Variants in MDGA2 observed in about 807,000 individuals in gnomAD.
MDGA2 encodes the protein MAM domain-containing glycosylphosphatidylinositol anchor protein 2.
Under a neutral mutation model 117.8 loss-of-function variants are expected in MDGA2, and 40 were observed. That is an observed-to-expected ratio of 0.34 (90% CI 0.26 to 0.44). MDGA2 has a LOEUF of 0.44. Among genes scored for constraint, MDGA2 ranks in the 20% least tolerant of loss-of-function variants. The pLI is 1.00. For synonymous variants in MDGA2, 452 were observed against 439.0 expected, an observed-to-expected ratio of 1.03 and a Z score of -0.37; for missense variants, 1,123 against 1,250.6, an observed-to-expected ratio of 0.90 and a Z score of 1.54.
At chr14:47,287,629 T>C (rs1206100819) in intron 2 of MDGA2, among the ~76,000 whole-genome samples, 1 of 152,068 alleles carries the variant, frequency 6.6e-6, no homozygotes, top group East Asian at 1.9e-4. Context: ...CCTTTAAAGG[T>C]AGCCTTAGAA....
At chr14:47,244,166 A>G (rs1460200773) in intron 2 of MDGA2, among the ~76,000 whole-genome samples, 1 of 151,822 alleles carries the variant, frequency 6.6e-6, no homozygotes. Flanking sequence ...CCTGACATGT[A>G]GTAGTCTCTT....
At chr14:47,021,857 G>T (rs890174291) in intron 8 of MDGA2, among the ~76,000 whole-genome samples, 1 of 152,144 alleles carries the variant, frequency 6.6e-6, no homozygotes. Flanking sequence ...GCCAGACTTA[G>T]AATCGATACT....
chr14:47,548,179 GCT>G (rs1236097193), intron 1 of MDGA2, among the ~76,000 whole-genome samples: 1 of 152,104 alleles, frequency 6.6e-6, no homozygotes, highest in African/African-American at 2.4e-5. Context: ...ACTGTCTAGA[GCT>G]CTCTCATTTA....
chr14:47,249,375 G>A (rs1363901159), intron 2 of MDGA2, among the ~76,000 whole-genome samples: 1 of 151,942 alleles, frequency 6.6e-6, no homozygotes, highest in Non-Finnish European at 1.5e-5. Flanking sequence ...GGGCTGAAAT[G>A]CAGTGGCACA....
intron 5 of MDGA2, among the ~76,000 whole-genome samples, chr14:47,130,200 T>C (rs1882132269): frequency 6.6e-6 from 1 of 151,970 alleles, no homozygotes; most frequent in Non-Finnish European, 1.5e-5. Context: ...TGCCTAGGTT[T>C]TCTTCTAGGG....
rs1566516043 is a variant in MDGA2, at chr14:47,561,170, TGTTTGTTTG to T, written c.280+113338_280+113346del. ...TTTTTTTTGTTTTGTTTTGTTTTTT[TGTTTGTTTG>T]TTTTTTTTTGCTTAGGATTGCCTTA... On this transcript the variant is annotated intron_variant, in intron 1 of 16. Transcript: ENST00000399232. Among the ~76,000 whole-genome samples the T allele has an allele frequency of 1.0e-3, 101 of 99,936 alleles. 1 individual carries two copies. The highest frequency in any genetic ancestry group is 3.2e-3 in the African/African-American group (85 of 26,568). The allele number at this position is 99,936 out of a possible 152,430, so 65.6% of individuals were successfully genotyped here. A position where few individuals can be genotyped will look rare whatever the true frequency, so the allele number is the denominator to read the frequency against.
intron 1 of MDGA2, among the ~76,000 whole-genome samples, chr14:47,329,457 G>A (rs377552464): frequency 2.0e-5 from 3 of 152,100 alleles, no homozygotes; most frequent in Non-Finnish European, 4.4e-5. Context: ...AGCATAGAAC[G>A]ATAGGTGCTC....
At chr14:47,410,845 A>G (rs1420234366) in intron 1 of MDGA2, among the ~76,000 whole-genome samples, 1 of 152,192 alleles carries the variant, frequency 6.6e-6, no homozygotes, top group Non-Finnish European at 1.5e-5. Flanking sequence ...ATTAACAAGT[A>G]TTTATAAAGT....
At chr14:47,174,293 C>T (rs1197977111) in intron 3 of MDGA2, among the ~76,000 whole-genome samples, 23 of 152,048 alleles carry the variant, frequency 1.5e-4, no homozygotes, top group South Asian at 2.1e-4. Flanking sequence ...CTGCACCAAG[C>T]GGACCTAATA....
intron 2 of MDGA2, among the ~76,000 whole-genome samples, chr14:47,233,033 G>A (rs1297496495): frequency 3.3e-5 from 5 of 152,098 alleles, no homozygotes; most frequent in Non-Finnish European, 5.9e-5. Flanking sequence ...TCAACTGAAA[G>A]TAACTGCTAT....
At chr14:47,251,410 T>C (rs1225120971) in intron 2 of MDGA2, among the ~76,000 whole-genome samples, 2 of 152,222 alleles carry the variant, frequency 1.3e-5, no homozygotes, top group African/African-American at 2.4e-5. Context: ...CATGCCCTGT[T>C]GTACCTTCAA....
intron 3 of MDGA2, among the ~76,000 whole-genome samples, chr14:47,155,549 G>A (rs575426370): frequency 6.0e-4 from 91 of 152,142 alleles, no homozygotes; most frequent in Non-Finnish European, 9.7e-4. Context: ...CTCCAGCTGC[G>A]GCCTAGCAGG....
chr14:47,202,017 G>T lies in MDGA2; in HGVS notation c.595+16004C>A, dbSNP rs976518525. On this transcript the variant is annotated intron_variant, in intron 3 of 16. Coordinates refer to ENST00000399232, the MANE Select transcript of MDGA2 (RefSeq NM_001113498.3). ...ATAGTGATATAATTTTAATATACAT[G>T]AAGTCTTTTACACCTAAATATAAAC... Among the ~76,000 whole-genome samples the T allele has an allele frequency of 4.6e-5, 7 of 152,204 alleles. 1 individual carries two copies. In the South Asian group the frequency reaches 1.2e-3, roughly 27 times the overall value.
chr14:47,567,383 TATC>T (rs1265324764), intron 1 of MDGA2, among the ~76,000 whole-genome samples: 2 of 152,150 alleles, frequency 1.3e-5, no homozygotes, highest in African/African-American at 2.4e-5. Context: ...GAAAAACACT[TATC>T]ATACATTATC....
intron 1 of MDGA2, among the ~76,000 whole-genome samples, chr14:47,361,207 CTATATATA>C (rs1226702812): frequency 7.1e-6 from 1 of 140,496 alleles, no homozygotes; most frequent in African/African-American, 2.7e-5. Flanking sequence ...CTCTCTCTCT[CTATATATA>C]TATATATATA....
intron 1 of MDGA2, among the ~76,000 whole-genome samples, chr14:47,349,375 T>A (rs575734935): frequency 6.6e-6 from 1 of 152,342 alleles, no homozygotes; most frequent in African/African-American, 2.4e-5. Context: ...TAATAAATAC[T>A]CAACAAATGA....
At chr14:46,851,889 TA>T (rs1566490757) in intron 15 of MDGA2, among the ~76,000 whole-genome samples, 1 of 143,404 alleles carries the variant, frequency 7.0e-6, no homozygotes, top group Non-Finnish European at 1.5e-5. Flanking sequence ...TTTGACAAGT[TA>T]TAAAAGATTT....
intron 1 of MDGA2, among the ~76,000 whole-genome samples, chr14:47,497,226 A>G (rs182413693): frequency 6.6e-6 from 1 of 152,154 alleles, no homozygotes; most frequent in Non-Finnish European, 1.5e-5. Context: ...TTCATTGAGA[A>G]TGAGATTTAA....
rs1452064413 is a variant in MDGA2 at position 46,840,891 on chromosome 14, C to T, written c.*1040G>A. ...AGTGATTTTCTAATGGACAATAAGC[C>T]GAAAGGCCATGGCTGTCTAGGAGGT... On this transcript the variant is annotated 3_prime_UTR_variant, in exon 17 of 17. Transcript: ENST00000399232. 3.9e-5 allele frequency: 6 copies of T among 152,552 alleles called. No individual in the cohort carries two copies. The highest frequency in any genetic ancestry group is 1.4e-4 in the African/African-American group (6 of 41,424). The allele number at this position is 152,552 out of a possible 1,614,324, so 9.4% of individuals were successfully genotyped here. A position where few individuals can be genotyped will look rare whatever the true frequency, so the allele number is the denominator to read the frequency against.
Sources: allele counts gnomAD v4.1 joint callset (sites outside exome capture counted in the v4.1 genomes callset), GRCh38; gene constraint gnomAD v4.1.1; transcripts MANE v1.5; gene names NCBI Gene and HGNC (gene_info 2026-07-23, HGNC 2026-07-21).